FGFR1: variants seen among roughly 807,000 people sequenced by gnomAD.
FGFR1 encodes fibroblast growth factor receptor 1.
A neutral mutation model predicts 93.7 loss-of-function variants in FGFR1; 18 were observed. The ratio of observed to expected loss-of-function variants is 0.19; its 90% confidence interval spans 0.13 to 0.28. FGFR1 has a LOEUF of 0.28. Ranked by LOEUF, FGFR1 falls within the 10% of genes least tolerant of loss-of-function variation. The pLI is 1.00. For missense variants in FGFR1, 731 were observed against 1,080.4 expected (o/e 0.68, Z 4.53); for synonymous variants, 448 against 429.3 (o/e 1.04, Z -0.54).
chr8:38,460,843 CTAAT>C (rs757374935), intron 1 of FGFR1, among the ~76,000 whole-genome samples: 53 of 152,310 alleles, frequency 3.5e-4, no homozygotes, highest in Non-Finnish European at 6.0e-4. Flanking sequence ...TCTCATTCTA[CTAAT>C]TAATGAATTT....
chr8:38,425,829 G>A (rs767687276), intron 6 of FGFR1: 6 of 450,268 alleles, frequency 1.3e-5, no homozygotes, highest in African/African-American at 4.0e-5. Flanking sequence ...CTCCTATTAC[G>A]CTACATTTAA....
intron 1 of FGFR1, among the ~76,000 whole-genome samples, chr8:38,460,611 C>T (rs1320257919): frequency 6.6e-6 from 1 of 152,122 alleles, no homozygotes; most frequent in Non-Finnish European, 1.5e-5. Context: ...TTGTTCTTTC[C>T]CAAAAAAGGT....
At chr8:38,427,120 A>G (rs1356326300) in intron 5 of FGFR1, among the ~76,000 whole-genome samples, 1 of 151,968 alleles carries the variant, frequency 6.6e-6, no homozygotes, top group Admixed American at 6.6e-5. Flanking sequence ...AAAAAAAAAA[A>G]ATGCTTACAC....
Position 38,426,396 on chromosome 8 carries a change from T to C in FGFR1, c.622-151A>G, listed in dbSNP as rs2150874150. ...AGGGTTGGCTAGGACAAGGCGTGGA[T>C]TGCCCCCCTACCAGCCCGTTCACAC... On this transcript the variant is annotated intron_variant, in intron 5 of 17. Coordinates refer to ENST00000447712, the MANE Select transcript of FGFR1 (RefSeq NM_023110.3). This position sits in a 1 kb window ranked among gnomAD's most constrained non-coding sequence, Gnocchi z 4.1. 1 of 1,098,460 alleles carries C rather than the reference T, an allele frequency of 9.1e-7. No individual in the cohort carries two copies. The highest frequency in any genetic ancestry group is 1.3e-5 in the South Asian group (1 of 79,412). 68.0% of individuals were successfully genotyped at this position (1,098,460 alleles called of 1,614,324 possible).
At chr8:38,454,772 T>G (rs774953127) in intron 2 of FGFR1, among the ~76,000 whole-genome samples, 3 of 152,140 alleles carry the variant, frequency 2.0e-5, no homozygotes, top group Non-Finnish European at 2.9e-5. Context: ...ACGTATGGTG[T>G]TTGAGTAGTT....
At chr8:38,457,915 G>A (rs1162588500) in intron 1 of FGFR1, among the ~76,000 whole-genome samples, 4 of 152,152 alleles carry the variant, frequency 2.6e-5, no homozygotes, top group East Asian at 3.9e-4. Flanking sequence ...TCCAGGAGGC[G>A]AAGGATGCAG....
At chr8:38,422,037 G>A (rs1181911988) in intron 7 of FGFR1, 96 bp from the exon 8 acceptor site, 2 of 1,413,378 alleles carry the variant, frequency 1.4e-6, no homozygotes, top group Non-Finnish European at 2.0e-6. Flanking sequence ...AGGGGGACTA[G>A]AGGAAGAAAT....
At chr8:38,461,397 C>T (rs773767479) in intron 1 of FGFR1, 55 of 442,498 alleles carry the variant, frequency 1.2e-4, no homozygotes, top group Non-Finnish European at 1.9e-4. Context: ...TGCAGTGGCA[C>T]GATCTCAACT....
intron 1 of FGFR1, among the ~76,000 whole-genome samples, chr8:38,464,732 C>T (rs1291752898): frequency 6.6e-6 from 1 of 152,176 alleles, no homozygotes; most frequent in Non-Finnish European, 1.5e-5. Context: ...ATTAAACTAT[C>T]AAGTGATGTG....
intron 13 of FGFR1, 90 bp from the exon 14 acceptor site, chr8:38,414,991 G>C (rs1815881074): frequency 9.5e-7 from 1 of 1,048,472 alleles, no homozygotes; most frequent in Non-Finnish European, 1.4e-6. Context: ...TAGCCGACTT[G>C]TCTCATAGAA....
intron 2 of FGFR1, among the ~76,000 whole-genome samples, chr8:38,438,323 CCT>C (rs1826129563): frequency 6.6e-6 from 1 of 152,102 alleles, no homozygotes; most frequent in South Asian, 2.1e-4. Flanking sequence ...GGGTGGATCA[CCT>C]GAGATCAGGA....
At chr8:38,420,749 G>A (rs1563469610) in intron 8 of FGFR1, among the ~76,000 whole-genome samples, 1 of 152,116 alleles carries the variant, frequency 6.6e-6, no homozygotes, top group African/African-American at 2.4e-5. Flanking sequence ...AACCATGGAG[G>A]CGGCGCCCCT....
intron 2 of FGFR1, among the ~76,000 whole-genome samples, chr8:38,441,236 C>T (rs1827348177): frequency 6.6e-6 from 1 of 152,188 alleles, no homozygotes; most frequent in South Asian, 2.1e-4. Flanking sequence ...GAGTTTGGGG[C>T]TCAAGCTTCT....
Position 38,429,204 on chromosome 8 carries a change from C to T in FGFR1, c.358+478G>A. The T allele has an allele frequency of 2.3e-6, 1 of 435,672 alleles. No homozygotes were observed. Among genetic ancestry groups the T allele is most frequent in the Non-Finnish European group, 4.6e-6 (1 of 215,700 alleles). 27.0% of individuals were successfully genotyped at this position (435,672 alleles called of 1,614,324 possible). ...GCAAGTTCCCAAGTTCACAGAGCTC[C>T]AGGGCTCCCTGGCTGCCCTCGCACA... is the stretch of plus-strand genomic sequence containing the variant. On this transcript the variant is annotated intron_variant, in intron 3 of 17. Coordinates refer to ENST00000447712, the MANE Select transcript of FGFR1 (RefSeq NM_023110.3). This position sits in a 1 kb window ranked among gnomAD's most constrained non-coding sequence, Gnocchi z 4.4.
rs1820162136 is a variant in FGFR1 at position 38,424,843 on chromosome 8, CAG to C, written c.746-146_746-145del. Reference sequence around the variant, plus strand: ...TCTGCTGAGCCCAAGCCTCTCAAAACAGAGCTGGGGAAAGGGACACCCTCTCT... The same window carrying C: ...TCTGCTGAGCCCAAGCCTCTCAAAACAGCTGGGGAAAGGGACACCCTCTCT... On this transcript the variant is annotated intron_variant, in intron 6 of 17. Coordinates refer to ENST00000447712, the MANE Select transcript of FGFR1 (RefSeq NM_023110.3). This position sits in a 1 kb window ranked among gnomAD's most constrained non-coding sequence, Gnocchi z 4.3. 10 of 800,072 alleles carry C rather than the reference CAG, an allele frequency of 1.2e-5. No homozygotes were observed. The highest frequency in any genetic ancestry group is 1.9e-5 in the Non-Finnish European group (10 of 513,298). 49.6% of individuals were successfully genotyped at this position (800,072 alleles called of 1,614,324 possible). A position where few individuals can be genotyped will look rare whatever the true frequency, so the allele number is the denominator to read the frequency against.
chr8:38,415,069 G>A (rs1815919083), intron 13 of FGFR1, among the ~76,000 whole-genome samples, 168 bp from the exon 14 acceptor site: 2 of 152,158 alleles, frequency 1.3e-5, no homozygotes, highest in Admixed American at 1.3e-4. Flanking sequence ...GCCAGCTCCA[G>A]GCTTCTCATC....
chr8:38,411,952 C>T lies in FGFR1; in HGVS notation c.*1676G>A, dbSNP rs763761019. The T allele has an allele frequency of 1.3e-5, 3 of 231,090 alleles. No homozygotes were observed. Among genetic ancestry groups the T allele is most frequent in the Non-Finnish European group, 2.6e-5 (3 of 116,702 alleles). The allele number at this position is 231,090 out of a possible 1,614,324, so 14.3% of individuals were successfully genotyped here. On this transcript the variant is annotated 3_prime_UTR_variant, in exon 18 of 18. Transcript: ENST00000447712. Reference sequence around the variant, plus strand: ...AGAAACGAAGCCAGGGACCTGAATGCAAAACTAGCCTCAGGTGACATGTTC... The same window carrying T: ...AGAAACGAAGCCAGGGACCTGAATGTAAAACTAGCCTCAGGTGACATGTTC...
At chr8:38,465,181 C>T (rs1042610929) in intron 1 of FGFR1, among the ~76,000 whole-genome samples, 1 of 152,220 alleles carries the variant, frequency 6.6e-6, no homozygotes, top group Non-Finnish European at 1.5e-5. Flanking sequence ...CTTTGCTTCC[C>T]TTGCTATCAA....
intron 8 of FGFR1, among the ~76,000 whole-genome samples, chr8:38,420,615 G>A (rs1420266870): frequency 6.6e-6 from 1 of 152,050 alleles, no homozygotes; most frequent in Non-Finnish European, 1.5e-5. Context: ...ACGAGAGGCT[G>A]GGAGGCTTTC....
Sources: allele counts gnomAD v4.1 joint callset (sites outside exome capture counted in the v4.1 genomes callset), GRCh38; gene constraint gnomAD v4.1.1; non-coding constraint Gnocchi (gnomAD v3.1); transcripts MANE v1.5; gene names NCBI Gene and HGNC (gene_info 2026-07-23, HGNC 2026-07-21).